EPHA6: variants seen among roughly 807,000 people sequenced by gnomAD.
EPHA6 encodes ephrin type-A receptor 6.
In EPHA6, 50 loss-of-function variants were observed where a neutral mutation model predicts 112.0. That is an observed-to-expected ratio of 0.45 (90% CI 0.36 to 0.56). EPHA6 has a LOEUF of 0.56. EPHA6 is among the 20% of genes least tolerant of loss of function. The pLI is 0.00. For synonymous variants in EPHA6, 529 were observed against 490.7 expected, an observed-to-expected ratio of 1.08 and a Z score of -1.03; for missense variants, 1,280 against 1,417.4, an observed-to-expected ratio of 0.90 and a Z score of 1.56.
chr3:97,112,164 GAC>G (rs2047743464), intron 3 of EPHA6, among the ~76,000 whole-genome samples: 2 of 152,046 alleles, frequency 1.3e-5, no homozygotes. Context: ...AAAAAACAAA[GAC>G]AATTTTCATC....
At chr3:97,601,042 AT>A (rs2093639358) in intron 12 of EPHA6, among the ~76,000 whole-genome samples, 1 of 152,054 alleles carries the variant, frequency 6.6e-6, no homozygotes, top group Admixed American at 6.6e-5. Context: ...TCTTAATGTC[AT>A]TTGAATAAGT....
chr3:97,296,770 C>T (rs561820606), intron 5 of EPHA6, among the ~76,000 whole-genome samples: 1 of 152,208 alleles, frequency 6.6e-6, no homozygotes, highest in African/African-American at 2.4e-5. Flanking sequence ...TGCTTTGGCT[C>T]TCTTTATCTC....
At chr3:96,882,376 G>A (rs1484331446) in intron 2 of EPHA6, among the ~76,000 whole-genome samples, 1 of 152,136 alleles carries the variant, frequency 6.6e-6, no homozygotes, top group African/African-American at 2.4e-5. Context: ...TAAGTTATTG[G>A]GGTACAGGTG....
intron 11 of EPHA6, among the ~76,000 whole-genome samples, chr3:97,588,334 T>A (rs1181096195): frequency 6.6e-6 from 1 of 152,196 alleles, no homozygotes; most frequent in Non-Finnish European, 1.5e-5. Flanking sequence ...TATGTGTGCA[T>A]GTATTTCAAA....
intron 5 of EPHA6, among the ~76,000 whole-genome samples, chr3:97,380,824 C>A (rs1220930514): frequency 3.9e-5 from 6 of 152,054 alleles, no homozygotes. Flanking sequence ...ATATATTATT[C>A]TGTCTGCAAT....
chr3:96,934,503 C>G (rs1157571615), intron 2 of EPHA6, among the ~76,000 whole-genome samples: 1 of 151,370 alleles, frequency 6.6e-6, no homozygotes, highest in African/African-American at 2.4e-5. Flanking sequence ...ATACAAATTT[C>G]TAGAATTATT....
intron 5 of EPHA6, among the ~76,000 whole-genome samples, chr3:97,324,446 T>TTTCTTTCC (rs2082297577): frequency 6.7e-6 from 1 of 148,286 alleles, no homozygotes; most frequent in African/African-American, 2.5e-5. Context: ...TCTTTCTTTC[T>TTTCTTTCC]TTCTTTCTTT....
intron 5 of EPHA6, among the ~76,000 whole-genome samples, chr3:97,348,463 T>C (rs1433920777): frequency 6.6e-6 from 1 of 152,100 alleles, no homozygotes; most frequent in African/African-American, 2.4e-5. Flanking sequence ...GCAATCTTGA[T>C]TCCACATATA....
chr3:97,360,218 A>G (rs1326306387), intron 5 of EPHA6, among the ~76,000 whole-genome samples: 1 of 152,176 alleles, frequency 6.6e-6, no homozygotes, highest in Non-Finnish European at 1.5e-5. Context: ...GTTAGCTGCT[A>G]CCGTGCTAAG....
chr3:97,665,008 C>A (rs1267342304), intron 14 of EPHA6, among the ~76,000 whole-genome samples: 1 of 152,096 alleles, frequency 6.6e-6, no homozygotes, highest in Admixed American at 6.5e-5. Flanking sequence ...CCTGCATTGC[C>A]AAGTCAATCC....
chr3:96,941,375 T>C (rs1460670034), intron 2 of EPHA6, among the ~76,000 whole-genome samples: 3 of 152,206 alleles, frequency 2.0e-5, no homozygotes, highest in Non-Finnish European at 4.4e-5. Context: ...ATACCCTTTC[T>C]TCCAGTTGAT....
intron 5 of EPHA6, among the ~76,000 whole-genome samples, chr3:97,256,519 CACTT>C (rs1478419890): frequency 1.3e-5 from 2 of 152,028 alleles, no homozygotes; most frequent in African/African-American, 4.8e-5. Context: ...GCTAGCCAAA[CACTT>C]AGATTGTACA....
chr3:97,345,365 T>C (rs1411109646), intron 5 of EPHA6, among the ~76,000 whole-genome samples: 2 of 152,286 alleles, frequency 1.3e-5, no homozygotes, highest in East Asian at 3.9e-4. Context: ...CAAGAGGAAC[T>C]CCATGCTGAT....
chr3:97,631,786 C>A (rs1394378188), intron 13 of EPHA6, among the ~76,000 whole-genome samples: 2 of 151,952 alleles, frequency 1.3e-5, no homozygotes, highest in African/African-American at 4.8e-5. Flanking sequence ...GTTATAGTGT[C>A]ATCTACCATC....
chr3:96,864,636 G>A (rs534361229), intron 1 of EPHA6, among the ~76,000 whole-genome samples: 5 of 152,114 alleles, frequency 3.3e-5, no homozygotes, highest in African/African-American at 1.2e-4. Flanking sequence ...CATGGATGTA[G>A]GAGTTTGTCA....
rs530103284 is a variant in EPHA6 at position 97,753,452 on chromosome 3, T to A, written c.*4751T>A. ...CATAGTATTCTTCCGAAACACTCCATAACCCCTCTGGCGGAGGGGAAGCAT... is the reference window on the plus strand; with the variant it reads ...CATAGTATTCTTCCGAAACACTCCAAAACCCCTCTGGCGGAGGGGAAGCAT... On this transcript the variant is annotated 3_prime_UTR_variant, in exon 18 of 18. Coordinates refer to ENST00000389672, the MANE Select transcript of EPHA6 (RefSeq NM_001080448.3). 7.9e-5 allele frequency among the ~76,000 whole-genome samples: 12 copies of A among 152,258 alleles called. No homozygotes were observed. Among genetic ancestry groups the A allele is most frequent in the Non-Finnish European group, 1.5e-4 (10 of 68,000 alleles).
At chr3:97,438,468 A>G (rs1249406480) in intron 6 of EPHA6, among the ~76,000 whole-genome samples, 8 of 152,190 alleles carry the variant, frequency 5.3e-5, no homozygotes. Context: ...TTGAATTGTC[A>G]TTAATTTATG....
At chr3:97,552,744 G>C (rs573127528) in intron 11 of EPHA6, among the ~76,000 whole-genome samples, 1 of 152,176 alleles carries the variant, frequency 6.6e-6, no homozygotes, top group East Asian at 1.9e-4. Context: ...TCCAAATTTT[G>C]TCCATAAAGC....
chr3:96,946,545 G>C (rs2041271135), intron 2 of EPHA6, among the ~76,000 whole-genome samples: 1 of 152,116 alleles, frequency 6.6e-6, no homozygotes, highest in Non-Finnish European at 1.5e-5. Context: ...TGGTGTATAT[G>C]TGCCACATTT....
Sources: gnomAD v4.1 joint callset for allele counts (sites outside exome capture counted in the v4.1 genomes callset) on GRCh38, gnomAD v4.1.1 for gene constraint, MANE v1.5 for transcripts, NCBI Gene and HGNC (gene_info 2026-07-23, HGNC 2026-07-21) for gene names.